The following KDM2B variants were observed in gnomAD, a reference collection of about 807,000 sequenced individuals.
KDM2B encodes lysine-specific demethylase 2B.
KDM2B carries 26 observed loss-of-function variants against 150.0 expected under a neutral mutation model. The observed-to-expected ratio is 0.17, with a 90% CI of 0.13 to 0.24. KDM2B has a LOEUF of 0.24. Ranked by LOEUF, KDM2B falls within the 10% of genes least tolerant of loss-of-function variation. The pLI is 1.00. For synonymous variants in KDM2B, 734 were observed against 729.5 expected (o/e 1.01, Z -0.10); for missense variants, 1,265 against 1,816.9 (o/e 0.70, Z 5.52).
At chr12:121,439,460 G>C (rs1186622844) in intron 22 of KDM2B, among the ~76,000 whole-genome samples, 2 of 127,630 alleles carry the variant, frequency 1.6e-5, no homozygotes. Context: ...GGCTCACGGC[G>C]ACCTCCACTG....
At chr12:121,552,943 C>A (rs1248928215) in intron 4 of KDM2B, among the ~76,000 whole-genome samples, 1 of 152,044 alleles carries the variant, frequency 6.6e-6, no homozygotes, top group Non-Finnish European at 1.5e-5. Context: ...TGTCAGAACC[C>A]CAGTACCAGC....
intron 13 of KDM2B, 115 bp from the exon 14 acceptor site, chr12:121,445,533 A>C: frequency 9.5e-7 from 1 of 1,049,942 alleles, no homozygotes; most frequent in South Asian, 1.7e-5. Context: ...AGACCCCCGG[A>C]AAGTGGCCCA....
chr12:121,418,167 C>G, the KDM2B span: 1 of 474,314 alleles, frequency 2.1e-6, no homozygotes. Flanking sequence ...GTTAATTTCT[C>G]TGTCTTACAC....
At chr12:121,510,670 G>A (rs1171025955) in intron 10 of KDM2B, among the ~76,000 whole-genome samples, 2 of 152,020 alleles carry the variant, frequency 1.3e-5, no homozygotes, top group East Asian at 1.9e-4. Context: ...ATGTGCACCT[G>A]TAGTCCCAGC....
the KDM2B span, chr12:121,416,540 A>G: frequency 8.5e-6 from 5 of 591,398 alleles, no homozygotes; most frequent in African/African-American, 1.9e-5. Flanking sequence ...TGGAGGGATT[A>G]TATTACTGCT....
At chr12:121,535,992 G>T in intron 6 of KDM2B, 2 of 947,800 alleles carry the variant, frequency 2.1e-6, no homozygotes, top group South Asian at 4.9e-5. Context: ...CACCTCCGGA[G>T]CCCGCAACAC....
rs1885797920 is a variant in KDM2B, at chr12:121,513,802, C to T, written c.1048-400G>A. Among the ~76,000 whole-genome samples the T allele has an allele frequency of 6.6e-6, 1 of 152,172 alleles. No homozygotes were observed. The highest frequency in any genetic ancestry group is 2.1e-4 in the South Asian group (1 of 4,838). ...AGGTTCCTCCTTGTTTCTGAAAATT[C>T]CTGCACAGATTCTGCTGTTCCTCCC... On this transcript the variant is annotated intron_variant, in intron 9 of 22. Coordinates refer to ENST00000377071, the MANE Select transcript of KDM2B (RefSeq NM_032590.5). The surrounding 1 kb of genome is among the most constrained non-coding windows in gnomAD (Gnocchi z 5.0).
the KDM2B span, chr12:121,416,012 T>G: frequency 1.6e-6 from 1 of 616,224 alleles, no homozygotes; most frequent in African/African-American, 1.8e-5. Context: ...TCTTTCCAAA[T>G]GGCTTGAAAT....
intron 10 of KDM2B, 84 bp from the exon 11 acceptor site, chr12:121,510,123 C>A: frequency 8.5e-7 from 1 of 1,178,922 alleles, no homozygotes; most frequent in Non-Finnish European, 1.2e-6. Flanking sequence ...ACCAAAAGTC[C>A]CCTTTACTCC....
At chr12:121,480,383 T>C (rs1881957477) in intron 12 of KDM2B, among the ~76,000 whole-genome samples, 1 of 152,088 alleles carries the variant, frequency 6.6e-6, no homozygotes, top group Non-Finnish European at 1.5e-5. Context: ...GGATATTCTA[T>C]GGGACATGTG....
intron 6 of KDM2B, among the ~76,000 whole-genome samples, chr12:121,540,888 G>A (rs1202584241): frequency 6.6e-6 from 1 of 151,896 alleles, no homozygotes; most frequent in Non-Finnish European, 1.5e-5. Context: ...ATGGGAAGAA[G>A]GCAGGGCAGA....
chr12:121,442,951 C>G lies in KDM2B; in HGVS notation c.2604+41G>C, dbSNP rs1875422826. 1 of 1,610,198 alleles carries G rather than the reference C, an allele frequency of 6.2e-7. No individual in the cohort carries two copies. The highest frequency in any genetic ancestry group is 8.5e-7 in the Non-Finnish European group (1 of 1,177,940). On this transcript the variant is annotated intron_variant, in intron 18 of 22. Coordinates refer to ENST00000377071, the MANE Select transcript of KDM2B (RefSeq NM_032590.5). The surrounding 1 kb of genome is among the most constrained non-coding windows in gnomAD (Gnocchi z 7.7). ...CCAGGGAGCTGCGGTGCAGCTCTAACCGCTCAGGCCTGGGGCACAGGAGGG... is the reference window on the plus strand; with the variant it reads ...CCAGGGAGCTGCGGTGCAGCTCTAAGCGCTCAGGCCTGGGGCACAGGAGGG...
At chr12:121,470,093 TC>T (rs1212532903) in intron 12 of KDM2B, 2 of 129,276 alleles carry the variant, frequency 1.5e-5, no homozygotes, top group East Asian at 4.3e-4. Flanking sequence ...TGATATTCTG[TC>T]TCAAAAAAAA....
intron 22 of KDM2B, 127 bp downstream of exon 22, chr12:121,439,730 C>T: frequency 1.4e-6 from 1 of 716,818 alleles, no homozygotes; most frequent in Non-Finnish European, 2.4e-6. Flanking sequence ...GGCTGTCTGT[C>T]TCAGTAAACG....
chr12:121,552,675 T>TC (rs1555311990), intron 4 of KDM2B, among the ~76,000 whole-genome samples: 12 of 95,118 alleles, frequency 1.3e-4, no homozygotes, highest in African/African-American at 7.4e-4. Flanking sequence ...TCTGTCTTAA[T>TC]TAAAAAAAAA....
At chr12:121,568,802 A>G (rs1025120622) in intron 4 of KDM2B, among the ~76,000 whole-genome samples, 9 of 149,678 alleles carry the variant, frequency 6.0e-5, no homozygotes, top group African/African-American at 2.2e-4. Flanking sequence ...CATGTATATT[A>G]TACTTCAATG....
intron 8 of KDM2B, 22 bp downstream of exon 8, chr12:121,532,784 G>C (rs1308192022): frequency 1.2e-6 from 2 of 1,612,684 alleles, no homozygotes; most frequent in Non-Finnish European, 1.7e-6. Context: ...GAGGAGCCCA[G>C]AGAGTGCCCC....
At chr12:121,544,824 A>G (rs1011804520) in intron 6 of KDM2B, among the ~76,000 whole-genome samples, 21 of 151,944 alleles carry the variant, frequency 1.4e-4, no homozygotes, top group African/African-American at 5.1e-4. Context: ...GAGGCAGGAG[A>G]ATCGTTTGAA....
rs564700275 is a variant in KDM2B, at chr12:121,452,251, T to C, written c.1959+869A>G. Among the ~76,000 whole-genome samples, 1 of 152,380 alleles carries C rather than the reference T, an allele frequency of 6.6e-6. No homozygotes were observed. Among genetic ancestry groups the C allele is most frequent in the East Asian group, 1.9e-4 (1 of 5,194 alleles). ...CCCAAAAACGTGCATATGGTAATAC[T>C]ACTGTACTGCATACTTAAAAATGAT... On this transcript the variant is annotated intron_variant, in intron 13 of 22. Coordinates refer to ENST00000377071, the MANE Select transcript of KDM2B (RefSeq NM_032590.5). This position sits in a 1 kb window ranked among gnomAD's most constrained non-coding sequence, Gnocchi z 4.4.
Sources: allele counts gnomAD v4.1 joint callset (sites outside exome capture counted in the v4.1 genomes callset), GRCh38; gene constraint gnomAD v4.1.1; non-coding constraint Gnocchi (gnomAD v3.1); transcripts MANE v1.5; gene names NCBI Gene and HGNC (gene_info 2026-07-23, HGNC 2026-07-21).